UBE3B: variants seen among roughly 807,000 people sequenced by gnomAD.
UBE3B encodes the protein ubiquitin-protein ligase E3B.
UBE3B carries 80 observed loss-of-function variants against 132.3 expected under a neutral mutation model. The observed-to-expected ratio is 0.60, with a 90% CI of 0.50 to 0.73. UBE3B has a LOEUF of 0.73. Ranked by LOEUF, UBE3B falls within the 30% of genes least tolerant of loss-of-function variation. UBE3B has a pLI of 0.00. For missense variants in UBE3B, 1,196 were observed against 1,362.5 expected (o/e 0.88, Z 1.92); for synonymous variants, 487 against 520.4 (o/e 0.94, Z 0.87).
intron 27 of UBE3B, 146 bp downstream of exon 27, chr12:109,533,704 A>G: frequency 1.1e-6 from 1 of 892,994 alleles, no homozygotes; most frequent in Non-Finnish European, 1.8e-6. Context: ...AGGGCCCCAC[A>G]GTTCTCACGG....
At chr12:109,489,753 G>A (rs1274565286) in intron 7 of UBE3B, among the ~76,000 whole-genome samples, 166 bp from the exon 8 acceptor site, 2 of 152,194 alleles carry the variant, frequency 1.3e-5, no homozygotes, top group Non-Finnish European at 2.9e-5. Context: ...TTCCAGGTAC[G>A]CATTGCCTTT....
At chr12:109,525,933 A>G (rs1303042224) in intron 23 of UBE3B, among the ~76,000 whole-genome samples, 1 of 152,196 alleles carries the variant, frequency 6.6e-6, no homozygotes, top group Non-Finnish European at 1.5e-5. Flanking sequence ...CTCCCTTTCC[A>G]GAAATGATGC....
intron 19 of UBE3B, 77 bp downstream of exon 19, chr12:109,516,961 TG>T: frequency 6.4e-7 from 1 of 1,558,628 alleles, no homozygotes; most frequent in African/African-American, 1.4e-5. Context: ...GGACGGTCTC[TG>T]GCTTTTGAAC....
At chr12:109,509,558 TCAG>T in intron 15 of UBE3B, 35 bp from the exon 16 acceptor site, 1 of 1,438,680 alleles carries the variant, frequency 7.0e-7, no homozygotes, top group African/African-American at 1.4e-5. Context: ...TCGCCTTTTT[TCAG>T]TGTGGAATTG....
In UBE3B at chr12:109,495,695, C is replaced by T. The variant is rs149239982; in HGVS notation, c.714-2123C>T. On this transcript the variant is annotated intron_variant, in intron 9 of 27. Coordinates refer to ENST00000342494, the MANE Select transcript of UBE3B (RefSeq NM_130466.4). Reference sequence around the variant, plus strand: ...GATTATAGATTAACTAAAAGTATTCCTTATGGGGAAACAAAGGGATGGGCC... The same window carrying T: ...GATTATAGATTAACTAAAAGTATTCTTTATGGGGAAACAAAGGGATGGGCC... 9.5e-4 allele frequency among the ~76,000 whole-genome samples: 145 copies of T among 152,262 alleles called. 1 individual carries two copies. In the East Asian group the frequency reaches 0.022, roughly 23 times the overall value.
chr12:109,478,712 C>T (rs1874782498), intron 1 of UBE3B, among the ~76,000 whole-genome samples: 4 of 152,146 alleles, frequency 2.6e-5, no homozygotes, highest in Admixed American at 2.6e-4. Context: ...ACCTGGGAGG[C>T]GGAGGTTGCA....
chr12:109,486,448 A>G lies in UBE3B; in HGVS notation c.343-23A>G, dbSNP rs572591928. On this transcript the variant is annotated intron_variant, in intron 5 of 27. Transcript: ENST00000342494. ...TATGATCTCTATAACAGCCCATGAC[A>G]TTCCTCTTTTTCCCACCTATAGGTG... 15 of 1,567,354 alleles carry G rather than the reference A, an allele frequency of 9.6e-6. No individual in the cohort carries two copies. The South Asian group carries it at 1.7e-4, about 18-fold the overall frequency.
At chr12:109,513,023 T>G (rs1880568053) in intron 18 of UBE3B, among the ~76,000 whole-genome samples, 1 of 152,248 alleles carries the variant, frequency 6.6e-6, no homozygotes, top group Non-Finnish European at 1.5e-5. Context: ...AAAAGTGGCT[T>G]CTTTTATCTT....
In UBE3B at chr12:109,521,686, C is replaced by A; in HGVS notation, c.2364+135C>A. 1.3e-6 allele frequency: 1 copy of A among 774,134 alleles called. No homozygotes were observed. The highest frequency in any genetic ancestry group is 1.9e-6 in the Non-Finnish European group (1 of 514,266). The allele number at this position is 774,134 out of a possible 1,614,324, so 48.0% of individuals were successfully genotyped here. ...TACAAGCGAGGACAGGGGCAGGAAC[C>A]AAGGTTTGTTGTACACCAGTGCTAG... On this transcript the variant is annotated intron_variant, in intron 21 of 27. Coordinates refer to ENST00000342494, the MANE Select transcript of UBE3B (RefSeq NM_130466.4). The surrounding 1 kb of genome is among the most constrained non-coding windows in gnomAD (Gnocchi z 4.2).
chr12:109,490,140 C>T (rs1168431278), intron 8 of UBE3B, 136 bp downstream of exon 8: 1 of 928,634 alleles, frequency 1.1e-6, no homozygotes, highest in Non-Finnish European at 1.7e-6. Flanking sequence ...TGCCTGCTGT[C>T]CTCTTCTTCC....
Position 109,486,487 on chromosome 12 carries a change from T to A in UBE3B, c.359T>A (p.Leu120Gln). Residue 120 changes from leucine (L) to glutamine (Q), a missense_variant, in exon 6 of 28, where the codon CTG (leucine) becomes CAG (glutamine). Transcript: ENST00000342494. ...ENEPKVWYVSLACSKDLTLLW... is the reference protein window; with the variant it reads ...ENEPKVWYVSQACSKDLTLLW... ...CACCTATAGGTGTGGTATGTGTCCC[T>A]GGCTTGTTCTAAGGACCTCACCCTC... The A allele has an allele frequency of 6.2e-7, 1 of 1,604,516 alleles. No individual in the cohort carries two copies. Among genetic ancestry groups the A allele is most frequent in the Non-Finnish European group, 8.5e-7 (1 of 1,176,012 alleles).
In UBE3B at chr12:109,514,102, A is replaced by G. The variant is rs75316127; in HGVS notation, c.1957-2663A>G. 8.5e-5 allele frequency among the ~76,000 whole-genome samples: 13 copies of G among 152,336 alleles called. 1 individual carries two copies. In the East Asian group the frequency reaches 2.1e-3, roughly 25 times the overall value. The stretch of plus-strand genomic sequence containing the variant: ...TTAAAGCCTCAGCTCTGCCTGGCTC[A>G]CGTGCACAGCACTTCATTTTCTGCA... On this transcript the variant is annotated intron_variant, in intron 18 of 27. Transcript: ENST00000342494.
rs371384730 is a variant in UBE3B at position 109,507,721 on chromosome 12, G to A, written c.1608G>A (p.Ser536=). 9.9e-6 allele frequency: 16 copies of A among 1,612,980 alleles called. No individual in the cohort carries two copies. The highest frequency in any genetic ancestry group is 5.3e-5 in the African/African-American group (4 of 74,890). The change falls in exon 15 of 28, where the codon TCG becomes TCA. Residue 536 remains serine (S), a synonymous_variant. Transcript: ENST00000342494. ...LAMLMLFCDC[S]RHLITILDDI... is the part of the protein sequence containing the mutation. ...TGCTGATGCTGTTCTGTGACTGTTC[G>A]CGGCACCTCATCACGTAGGTTGACT...
intron 14 of UBE3B, 142 bp downstream of exon 14, chr12:109,503,332 G>C (rs1879233351): frequency 1.8e-6 from 2 of 1,095,046 alleles, no homozygotes; most frequent in East Asian, 2.6e-5. Flanking sequence ...TCCTCTTAGA[G>C]ATTAGTCCAC....
At chr12:109,498,147 C>G in intron 10 of UBE3B, 86 bp from the exon 11 acceptor site, 1 of 1,558,852 alleles carries the variant, frequency 6.4e-7, no homozygotes, top group South Asian at 1.2e-5. Flanking sequence ...TCCATAACCA[C>G]GGGTGATCTG....
At position 109,533,525 on chromosome 12, in the gene UBE3B, C is replaced by T. The variant is rs946063264; in HGVS notation, c.2982C>T (p.Phe994=). 5.0e-6 allele frequency: 8 copies of T among 1,614,082 alleles called. No individual in the cohort carries two copies. The highest frequency in any genetic ancestry group is 5.1e-6 in the Non-Finnish European group (6 of 1,180,026). ...LLGFAYLKPP[F]SIRCVEVSDD... Reference sequence around the variant, plus strand: ...GATTCGCCTACCTCAAGCCTCCATTCTCCATCCGCTGCGTGGAGGTGTCGG... The same window carrying T: ...GATTCGCCTACCTCAAGCCTCCATTTTCCATCCGCTGCGTGGAGGTGTCGG... Residue 994 remains phenylalanine (F), a synonymous_variant, in exon 27 of 28, where the codon TTC becomes TTT. Transcript: ENST00000342494.
intron 17 of UBE3B, among the ~76,000 whole-genome samples, chr12:109,510,931 C>G (rs994755567): frequency 5.3e-5 from 8 of 152,200 alleles, no homozygotes; most frequent in African/African-American, 1.9e-4. Flanking sequence ...AGCTGTGGCA[C>G]TAGAGCAGGG....
chr12:109,537,447 C>A (rs1436903097), downstream of UBE3B, among the ~76,000 whole-genome samples: 1 of 152,134 alleles, frequency 6.6e-6, no homozygotes, highest in Admixed American at 6.5e-5. Flanking sequence ...CTGGGAAGCC[C>A]CTGAGGATCA....
chr12:109,521,032 A>C lies in UBE3B; in HGVS notation c.2077-116A>C. The C allele has an allele frequency of 8.1e-7, 1 of 1,232,826 alleles. No individual in the cohort carries two copies. Among genetic ancestry groups the C allele is most frequent in the South Asian group, 1.5e-5 (1 of 67,034 alleles). 76.4% of individuals were successfully genotyped at this position (1,232,826 alleles called of 1,614,324 possible). A position where few individuals can be genotyped will look rare whatever the true frequency, so the allele number is the denominator to read the frequency against. ...GGCTCCTGTCATGCATCCACGTTTCATAATTTGCACATTTGGTAATGATGC... is the reference window on the plus strand; with the variant it reads ...GGCTCCTGTCATGCATCCACGTTTCCTAATTTGCACATTTGGTAATGATGC... On this transcript the variant is annotated intron_variant, in intron 19 of 27. Transcript: ENST00000342494. The surrounding 1 kb of genome is among the most constrained non-coding windows in gnomAD (Gnocchi z 4.2).
Sources: gnomAD v4.1 joint callset for allele counts (sites outside exome capture counted in the v4.1 genomes callset) on GRCh38, gnomAD v4.1.1 for gene constraint, Gnocchi (gnomAD v3.1) non-coding constraint, MANE v1.5 for transcripts, NCBI Gene and HGNC (gene_info 2026-07-23, HGNC 2026-07-21) for gene names.